Variants in GRIK4 observed in about 807,000 individuals in gnomAD.
GRIK4 encodes the protein glutamate ionotropic receptor kainate type subunit 4, also known as glutamate receptor ionotropic, kainate 4.
A neutral mutation model predicts 104.9 loss-of-function variants in GRIK4; 40 were observed. That is an observed-to-expected ratio of 0.38 (90% CI 0.30 to 0.50). GRIK4 has a LOEUF of 0.50. GRIK4 is among the 20% of genes least tolerant of loss of function. GRIK4 has a pLI of 0.93. For synonymous variants in GRIK4, 485 were observed against 524.9 expected (o/e 0.92, Z 1.04); for missense variants, 1,047 against 1,308.1 (o/e 0.80, Z 3.08).
intron 3 of GRIK4, among the ~76,000 whole-genome samples, chr11:120,707,836 G>A (rs1950656664): frequency 6.6e-6 from 1 of 152,188 alleles, no homozygotes; most frequent in Admixed American, 6.5e-5. Context: ...CACATGGACT[G>A]CTGCATGTGG....
At chr11:120,722,355 A>G (rs1014533061) in intron 3 of GRIK4, among the ~76,000 whole-genome samples, 4 of 152,186 alleles carry the variant, frequency 2.6e-5, no homozygotes, top group Non-Finnish European at 5.9e-5. Context: ...GCAGTGGCTC[A>G]TGCCTGTAAT....
intron 4 of GRIK4, among the ~76,000 whole-genome samples, chr11:120,809,066 C>G (rs1230959947): frequency 2.0e-5 from 3 of 152,144 alleles, no homozygotes; most frequent in Non-Finnish European, 4.4e-5. Context: ...AAACCATCTG[C>G]GACACAGCCT....
intron 11 of GRIK4, among the ~76,000 whole-genome samples, chr11:120,876,532 A>G (rs914374102): frequency 6.7e-6 from 1 of 150,122 alleles, no homozygotes; most frequent in Non-Finnish European, 1.5e-5. Context: ...GCCTCCATTT[A>G]TTAAGCTTTT....
intron 11 of GRIK4, among the ~76,000 whole-genome samples, chr11:120,878,089 C>T (rs1592026362): frequency 6.6e-6 from 1 of 152,206 alleles, no homozygotes; most frequent in African/African-American, 2.4e-5. Context: ...CGTCATCAGC[C>T]CCCAGGGCTC....
intron 1 of GRIK4, chr11:120,564,407 G>T (rs930352222): frequency 6.6e-6 from 1 of 152,276 alleles, no homozygotes; most frequent in Admixed American, 6.5e-5. Flanking sequence ...ATCAGGGGGC[G>T]CCCGCCCCCG....
At chr11:120,914,813 G>T (rs1225795618) in intron 13 of GRIK4, among the ~76,000 whole-genome samples, 1 of 152,184 alleles carries the variant, frequency 6.6e-6, no homozygotes, top group Non-Finnish European at 1.5e-5. Context: ...GTTCCAGAAG[G>T]TTACTCTAGC....
intron 1 of GRIK4, among the ~76,000 whole-genome samples, chr11:120,515,783 G>C (rs961897871): frequency 1.3e-5 from 2 of 152,220 alleles, no homozygotes; most frequent in African/African-American, 4.8e-5. Context: ...CTTACATTTA[G>C]TAAATCCAGT....
intron 1 of GRIK4, among the ~76,000 whole-genome samples, chr11:120,535,294 G>A (rs1335077696): frequency 1.4e-5 from 2 of 145,584 alleles, no homozygotes; most frequent in Non-Finnish European, 3.0e-5. Flanking sequence ...GGGAAGGGGG[G>A]TGCAGATCTT....
intron 7 of GRIK4, among the ~76,000 whole-genome samples, chr11:120,835,284 T>C (rs941915843): frequency 3.3e-5 from 5 of 152,106 alleles, no homozygotes; most frequent in East Asian, 1.9e-4. Flanking sequence ...TCCCAGCACT[T>C]TGGGAGGCCA....
Position 120,598,220 on chromosome 11 carries a change from C to T in GRIK4, c.-158-55465C>T, listed in dbSNP as rs571915441. Among the ~76,000 whole-genome samples the T allele has an allele frequency of 4.1e-4, 62 of 152,272 alleles. 2 individuals carry two copies. The South Asian group carries it at 0.011, about 26-fold the overall frequency. On this transcript the variant is annotated intron_variant, in intron 1 of 20. Transcript: ENST00000527524. ...ATCTGTTGAGCCCTTGCTGTGCATC[C>T]GACTTTTTCCATCCATTCTCTCATT... is the stretch of plus-strand genomic sequence containing the variant.
At chr11:120,578,968 G>A (rs932230837) in intron 1 of GRIK4, among the ~76,000 whole-genome samples, 3 of 152,208 alleles carry the variant, frequency 2.0e-5, no homozygotes, top group Admixed American at 2.0e-4. Flanking sequence ...TGAGGCGGGA[G>A]TTCCTGCAGG....
intron 3 of GRIK4, among the ~76,000 whole-genome samples, chr11:120,682,772 A>G (rs1473791001): frequency 3.3e-5 from 5 of 151,738 alleles, no homozygotes; most frequent in African/African-American, 9.7e-5. Context: ...CACACTGCCT[A>G]TAGGATAGGA....
At chr11:120,922,745 C>T (rs555212978) in intron 13 of GRIK4, among the ~76,000 whole-genome samples, 4 of 152,170 alleles carry the variant, frequency 2.6e-5, no homozygotes, top group Admixed American at 6.5e-5. Flanking sequence ...ATGGCGGTGT[C>T]GGCAGCTACA....
chr11:120,894,658 A>G (rs1267326078), intron 11 of GRIK4: 2 of 152,358 alleles, frequency 1.3e-5, no homozygotes, highest in African/African-American at 4.8e-5. Context: ...TCAAGCCTGC[A>G]CATGTGGGCA....
intron 3 of GRIK4, among the ~76,000 whole-genome samples, chr11:120,672,502 G>A (rs976474849): frequency 1.2e-4 from 18 of 152,098 alleles, no homozygotes; most frequent in African/African-American, 3.6e-4. Context: ...GAATAGCATC[G>A]AATCTGTGAA....
At chr11:120,698,101 T>A (rs1354738997) in intron 3 of GRIK4, among the ~76,000 whole-genome samples, 1 of 152,130 alleles carries the variant, frequency 6.6e-6, no homozygotes. Flanking sequence ...CTCAACCCTG[T>A]CCATTTTACA....
chr11:120,842,111 T>C (rs770389894), intron 8 of GRIK4, among the ~76,000 whole-genome samples: 1 of 152,224 alleles, frequency 6.6e-6, no homozygotes, highest in Non-Finnish European at 1.5e-5. Context: ...CTGATAACAC[T>C]GTACCTGGTA....
intron 1 of GRIK4, among the ~76,000 whole-genome samples, chr11:120,582,687 C>T (rs1294440716): frequency 6.6e-6 from 1 of 152,134 alleles, no homozygotes; most frequent in African/African-American, 2.4e-5. Context: ...AGGACATTAC[C>T]TTGTTCTTTT....
At chr11:120,571,129 C>T (rs1279863178) in intron 1 of GRIK4, among the ~76,000 whole-genome samples, 1 of 152,184 alleles carries the variant, frequency 6.6e-6, no homozygotes, top group African/African-American at 2.4e-5. Flanking sequence ...CGGCTGTTTT[C>T]CTGGGACTTC....
Sources: allele counts gnomAD v4.1 joint callset (sites outside exome capture counted in the v4.1 genomes callset), GRCh38; gene constraint gnomAD v4.1.1; transcripts MANE v1.5; gene names NCBI Gene and HGNC (gene_info 2026-07-23, HGNC 2026-07-21).